The following GPHN variants were observed in gnomAD, a reference collection of about 807,000 sequenced individuals.
The protein encoded by GPHN is gephyrin.
A neutral mutation model predicts 95.5 loss-of-function variants in GPHN; 17 were observed. The ratio of observed to expected loss-of-function variants is 0.18; its 90% confidence interval spans 0.12 to 0.27. The LOEUF is 0.27. Ranked by LOEUF, GPHN falls within the 10% of genes least tolerant of loss-of-function variation. The pLI is 1.00. For synonymous variants in GPHN, 320 were observed against 322.5 expected, an observed-to-expected ratio of 0.99 and a Z score of 0.08; for missense variants, 660 against 978.1, an observed-to-expected ratio of 0.67 and a Z score of 4.34.
intron 20 of GPHN, among the ~76,000 whole-genome samples, chr14:67,168,122 G>A (rs181372042): frequency 8.3e-4 from 126 of 152,328 alleles, no homozygotes; most frequent in Admixed American, 1.4e-3. Context: ...CTGGAAGCTG[G>A]AAGTCCAAAA....
chr14:66,857,538 G>A (rs576312098), intron 4 of GPHN, among the ~76,000 whole-genome samples: 5 of 152,246 alleles, frequency 3.3e-5, no homozygotes, highest in Middle Eastern at 3.4e-3. Flanking sequence ...AGGAAATAAC[G>A]AGAATTGTTT....
chr14:66,693,528 C>T (rs2067920126), intron 2 of GPHN, among the ~76,000 whole-genome samples: 1 of 151,588 alleles, frequency 6.6e-6, no homozygotes, highest in African/African-American at 2.4e-5. Flanking sequence ...CCTGACTGGC[C>T]ATCTGTAAGC....
chr14:66,708,669 C>A (rs1378478132), intron 2 of GPHN, among the ~76,000 whole-genome samples: 1 of 152,012 alleles, frequency 6.6e-6, no homozygotes, highest in African/African-American at 2.4e-5. Context: ...TGAGAGATTG[C>A]CAGATTTGCT....
At chr14:67,352,871 C>A in the GPHN span, 4 of 1,222,936 alleles carry the variant, frequency 3.3e-6, no homozygotes, top group Non-Finnish European at 3.5e-6. Flanking sequence ...ATGCCAAGGG[C>A]CATGCTGGAT....
intron 9 of GPHN, among the ~76,000 whole-genome samples, chr14:66,966,763 G>T (rs2069358202): frequency 6.6e-6 from 1 of 151,852 alleles, no homozygotes; most frequent in Admixed American, 6.6e-5. Context: ...ACTATTCAAG[G>T]CATAGTTGCT....
the GPHN span, chr14:67,578,627 C>G: frequency 6.3e-7 from 1 of 1,598,680 alleles, no homozygotes; most frequent in South Asian, 1.1e-5. This position sits in a 1 kb window ranked among gnomAD's most constrained non-coding sequence, Gnocchi z 5.0. Flanking sequence ...CCATGCAGAT[C>G]CCAGGTGAGT....
chr14:67,372,776 G>A, the GPHN span, among the ~76,000 whole-genome samples: 119 of 151,740 alleles, frequency 7.8e-4, no homozygotes, highest in Non-Finnish European at 1.3e-3. Context: ...TGCAGTGAGC[G>A]GAGATTGCCC....
At chr14:66,524,865 A>G (rs995865270) in intron 1 of GPHN, among the ~76,000 whole-genome samples, 1 of 152,086 alleles carries the variant, frequency 6.6e-6, no homozygotes, top group African/African-American at 2.4e-5. Context: ...TCTACCGTGT[A>G]TATGTGCCAA....
Position 66,809,875 on chromosome 14 carries a change from C to T in GPHN, c.202-14599C>T, listed in dbSNP as rs536369067. Among the ~76,000 whole-genome samples, 4 of 152,182 alleles carry T rather than the reference C, an allele frequency of 2.6e-5. 1 individual carries two copies. Among genetic ancestry groups the T allele is most frequent in the African/African-American group, 9.6e-5 (4 of 41,530 alleles). On this transcript the variant is annotated intron_variant, in intron 3 of 22. Coordinates refer to ENST00000478722, the MANE Select transcript of GPHN (RefSeq NM_020806.5). ...TTTTCTCTCTACTGTATTTGATCAC[C>T]TAGTCCCTTATTTTTTTTAAAGCAG...
the GPHN span, chr14:67,317,468 A>G: frequency 2.0e-4 from 314 of 1,605,944 alleles, 3 homozygotes; most frequent in South Asian, 2.6e-3. Flanking sequence ...TATAATGCCA[A>G]TAAAAATGAT....
the GPHN span, among the ~76,000 whole-genome samples, chr14:67,365,723 A>G: frequency 6.6e-6 from 1 of 152,338 alleles, no homozygotes; most frequent in Admixed American, 6.5e-5. Flanking sequence ...GTTTTAGGTC[A>G]TTAGTTACCA....
chr14:67,498,750 C>T, the GPHN span, among the ~76,000 whole-genome samples: 1 of 152,138 alleles, frequency 6.6e-6, no homozygotes. Context: ...ACCGCAGCCT[C>T]CATCTCCTGG....
the GPHN span, among the ~76,000 whole-genome samples, chr14:67,284,429 T>TAAAAAAAAAAAAAAAA: frequency 2.2e-5 from 2 of 92,678 alleles, no homozygotes; most frequent in Admixed American, 2.3e-4. Flanking sequence ...CCCTATCTCT[T>TAAAAAAAAAAAAAAAA]AAAAAAAAAA....
chr14:67,462,837 T>G, the GPHN span, among the ~76,000 whole-genome samples: 2 of 152,188 alleles, frequency 1.3e-5, no homozygotes, highest in Non-Finnish European at 2.9e-5. Context: ...TGGTTTGGGT[T>G]AGAAGTCCAT....
At chr14:67,719,636 G>T in the GPHN span, among the ~76,000 whole-genome samples, 2 of 151,836 alleles carry the variant, frequency 1.3e-5, no homozygotes, top group Admixed American at 6.6e-5. Flanking sequence ...CACCAGGCCA[G>T]CTAATTTTTA....
intron 2 of GPHN, among the ~76,000 whole-genome samples, chr14:66,768,411 C>T (rs2059042245): frequency 6.6e-6 from 1 of 151,914 alleles, no homozygotes; most frequent in Non-Finnish European, 1.5e-5. Context: ...AATTCTATTT[C>T]ATACCTGCTT....
the GPHN span, among the ~76,000 whole-genome samples, chr14:67,525,376 T>G: frequency 2.8e-4 from 42 of 152,404 alleles, no homozygotes; most frequent in African/African-American, 1.0e-3. Context: ...TTTTGATGGC[T>G]GCATAGTATT....
the GPHN span, among the ~76,000 whole-genome samples, chr14:67,264,913 A>C: frequency 1.3e-5 from 2 of 152,196 alleles, no homozygotes; most frequent in Admixed American, 1.3e-4. Flanking sequence ...ATTGATATCC[A>C]ACAGAATTGT....
At chr14:67,584,063 G>A in the GPHN span, 10 of 1,613,780 alleles carry the variant, frequency 6.2e-6, no homozygotes, top group South Asian at 3.3e-5. Context: ...GAGTGCATCC[G>A]CATCTACCTG....
Sources: allele counts gnomAD v4.1 joint callset (sites outside exome capture counted in the v4.1 genomes callset), GRCh38; gene constraint gnomAD v4.1.1; non-coding constraint Gnocchi (gnomAD v3.1); transcripts MANE v1.5; gene names NCBI Gene and HGNC (gene_info 2026-07-23, HGNC 2026-07-21).